The following TBC1D32 variants were observed in gnomAD, a reference collection of about 807,000 sequenced individuals.
TBC1D32 encodes TBC1 domain family member 32, also known as protein broad-minded.
Under a neutral mutation model 170.3 loss-of-function variants are expected in TBC1D32, and 151 were observed. The ratio of observed to expected loss-of-function variants is 0.89; its 90% CI spans 0.78 to 1.01. TBC1D32 has a LOEUF of 1.01. TBC1D32 is among the 50% of genes least tolerant of loss of function. The pLI is 0.00. For synonymous variants in TBC1D32, 498 were observed against 488.0 expected (o/e 1.02, Z -0.27); for missense variants, 1,464 against 1,457.1 (o/e 1.00, Z -0.08).
intron 12 of TBC1D32, among the ~76,000 whole-genome samples, chr6:121,289,002 C>A (rs1323902405): frequency 1.3e-5 from 2 of 152,134 alleles, no homozygotes. Flanking sequence ...TGGGACGTAT[C>A]TCAAAATAAT....
At chr6:121,119,682 T>G (rs1780056366) in intron 26 of TBC1D32, among the ~76,000 whole-genome samples, 1 of 152,184 alleles carries the variant, frequency 6.6e-6, no homozygotes, top group East Asian at 1.9e-4. Flanking sequence ...GAAAGATACC[T>G]ATATGAATTT....
chr6:121,114,429 A>G lies in TBC1D32; in HGVS notation c.3053+743T>C, dbSNP rs72959283. ...CTACGAAGTCCATTTCAGAATAGCA[A>G]TAGGGCATTATAAAATATTTGTACA... On this transcript the variant is annotated intron_variant, in intron 27 of 31. Coordinates refer to ENST00000398212, the MANE Select transcript of TBC1D32 (RefSeq NM_152730.6). Among the ~76,000 whole-genome samples the G allele has an allele frequency of 2.5e-3, 379 of 152,316 alleles. 1 individual carries two copies. The highest frequency in any genetic ancestry group is 3.8e-3 in the Non-Finnish European group (259 of 68,016).
intron 29 of TBC1D32, among the ~76,000 whole-genome samples, chr6:121,107,812 T>C (rs886224466): frequency 6.6e-6 from 1 of 152,050 alleles, no homozygotes; most frequent in African/African-American, 2.4e-5. Context: ...ATGCAGTGTC[T>C]TTTCTAGGCT....
chr6:121,283,136 A>AC (rs1405684387), intron 13 of TBC1D32, among the ~76,000 whole-genome samples: 1 of 151,476 alleles, frequency 6.6e-6, no homozygotes, highest in Non-Finnish European at 1.5e-5. Flanking sequence ...ATCCCAAACC[A>AC]TTTTTTTCTT....
chr6:121,303,843 A>G, intron 8 of TBC1D32, 82 bp from the exon 9 acceptor site: 1 of 973,620 alleles, frequency 1.0e-6, no homozygotes, highest in South Asian at 3.7e-5. Context: ...ATAAAGTAGC[A>G]TATAATCTTC....
At chr6:121,180,147 G>T (rs1788321521) in intron 22 of TBC1D32, among the ~76,000 whole-genome samples, 1 of 152,112 alleles carries the variant, frequency 6.6e-6, no homozygotes, top group African/African-American at 2.4e-5. Flanking sequence ...ACGGTATTAT[G>T]CAGATGTCAA....
chr6:121,287,749 G>C (rs1328391861), intron 12 of TBC1D32, among the ~76,000 whole-genome samples: 1 of 152,126 alleles, frequency 6.6e-6, no homozygotes, highest in Non-Finnish European at 1.5e-5. Context: ...CACATAGTTG[G>C]AAGTAAAGTA....
intron 30 of TBC1D32, among the ~76,000 whole-genome samples, chr6:121,103,733 A>G (rs1010258168): frequency 6.6e-6 from 1 of 151,684 alleles, no homozygotes; most frequent in African/African-American, 2.4e-5. Context: ...TAAAGAATAT[A>G]TAACAAAAGA....
intron 15 of TBC1D32, among the ~76,000 whole-genome samples, chr6:121,264,791 G>A (rs527992897): frequency 2.0e-5 from 3 of 152,106 alleles, no homozygotes; most frequent in African/African-American, 4.8e-5. Flanking sequence ...AATTCATCAC[G>A]TAAACAGAAC....
At chr6:121,289,870 C>A (rs139145989) in intron 12 of TBC1D32, among the ~76,000 whole-genome samples, 2 of 151,978 alleles carry the variant, frequency 1.3e-5, no homozygotes, top group African/African-American at 2.4e-5. Context: ...CTGATCTTTG[C>A]CAAACCTGAC....
chr6:121,133,702 T>C (rs767843418), intron 24 of TBC1D32, among the ~76,000 whole-genome samples: 1 of 152,078 alleles, frequency 6.6e-6, no homozygotes, highest in Non-Finnish European at 1.5e-5. Context: ...AATACACAGA[T>C]ACATACACCA....
intron 24 of TBC1D32, among the ~76,000 whole-genome samples, chr6:121,135,444 A>G (rs569005331): frequency 6.6e-6 from 1 of 152,314 alleles, no homozygotes; most frequent in African/African-American, 2.4e-5. Flanking sequence ...TTCAGACATT[A>G]GCCAATGGGC....
chr6:121,104,946 T>C (rs1168525047), intron 30 of TBC1D32, among the ~76,000 whole-genome samples: 2 of 151,800 alleles, frequency 1.3e-5, no homozygotes, highest in African/African-American at 2.4e-5. Flanking sequence ...TATACAGAAA[T>C]AGTTAATTAA....
At chr6:121,158,261 T>A (rs1785164613) in intron 24 of TBC1D32, among the ~76,000 whole-genome samples, 1 of 152,194 alleles carries the variant, frequency 6.6e-6, no homozygotes, top group African/African-American at 2.4e-5. Flanking sequence ...TGAGATTCTT[T>A]CCTTAGCTTG....
chr6:121,191,422 T>C (rs900057880), intron 22 of TBC1D32, among the ~76,000 whole-genome samples: 1 of 152,198 alleles, frequency 6.6e-6, no homozygotes, highest in Admixed American at 6.5e-5. Flanking sequence ...TTTTTTATTA[T>C]ACTTTAAGTT....
At chr6:121,272,175 A>G (rs1455445459) in intron 15 of TBC1D32, among the ~76,000 whole-genome samples, 1 of 152,178 alleles carries the variant, frequency 6.6e-6, no homozygotes, top group Non-Finnish European at 1.5e-5. Context: ...CCTAGGCATT[A>G]CCATTCAGGA....
chr6:121,095,601 C>T (rs924066832), intron 30 of TBC1D32, among the ~76,000 whole-genome samples: 9 of 152,086 alleles, frequency 5.9e-5, no homozygotes, highest in South Asian at 2.1e-4. Context: ...TTTTGAGATA[C>T]GTTCCATCAA....
At chr6:121,175,968 C>T (rs1787707022) in intron 22 of TBC1D32, among the ~76,000 whole-genome samples, 1 of 152,142 alleles carries the variant, frequency 6.6e-6, no homozygotes. Context: ...CTAAGAAAAA[C>T]ACTGGTTGAA....
intron 12 of TBC1D32, among the ~76,000 whole-genome samples, chr6:121,289,289 T>C (rs1364707431): frequency 6.6e-6 from 1 of 152,164 alleles, no homozygotes; most frequent in Non-Finnish European, 1.5e-5. Flanking sequence ...CTTAAGCTGA[T>C]AGGCAACTTC....
Sources: gnomAD v4.1 joint callset for allele counts (sites outside exome capture counted in the v4.1 genomes callset) on GRCh38, gnomAD v4.1.1 for gene constraint, MANE v1.5 for transcripts, NCBI Gene and HGNC (gene_info 2026-07-23, HGNC 2026-07-21) for gene names.